The following FARP1 variants were observed in gnomAD, a reference collection of about 807,000 sequenced individuals.
The protein encoded by FARP1 is FERM, ARH/RhoGEF and pleckstrin domain protein 1, also known as FERM, ARHGEF and pleckstrin domain-containing protein 1.
In FARP1, 52 loss-of-function variants were observed where a neutral mutation model predicts 128.8. That is an observed-to-expected ratio of 0.40 (90% CI 0.32 to 0.51). The LOEUF (loss-of-function observed/expected upper bound fraction) is 0.51. Among genes scored for constraint, FARP1 ranks in the 20% least tolerant of loss-of-function variants. The pLI, the probability that FARP1 is intolerant of heterozygous loss-of-function variation, is 0.45. For missense variants in FARP1, 1,333 were observed against 1,367.9 expected (o/e 0.97, Z 0.40); for synonymous variants, 580 against 551.8 (o/e 1.05, Z -0.72).
chr13:98,164,714 AAT>A (rs961442066), intron 1 of FARP1, among the ~76,000 whole-genome samples: 6 of 152,132 alleles, frequency 3.9e-5, no homozygotes, highest in African/African-American at 1.4e-4. Context: ...CTAATGTGTA[AAT>A]ATGTGTGAAA....
At chr13:98,335,084 C>A (rs1209405494) in intron 2 of FARP1, among the ~76,000 whole-genome samples, 1 of 152,226 alleles carries the variant, frequency 6.6e-6, no homozygotes, top group African/African-American at 2.4e-5. Flanking sequence ...TCAAAGAACA[C>A]CTCCATCAGG....
chr13:98,448,551 G>T lies in FARP1; in HGVS notation c.*234G>T. On this transcript the variant is annotated 3_prime_UTR_variant, in exon 27 of 27. Transcript: ENST00000319562. ...CTGGGGGCGCTGTTCTTTAGCTAGT[G>T]CCAGTATTAAAACATTGTCATTACG... 1.9e-6 allele frequency: 1 copy of T among 538,324 alleles called. No individual in the cohort carries two copies. Among genetic ancestry groups the T allele is most frequent in the South Asian group, 2.2e-5 (1 of 45,880 alleles). 33.3% of individuals were successfully genotyped at this position (538,324 alleles called of 1,614,324 possible).
At chr13:98,325,389 T>G (rs1292178103) in intron 2 of FARP1, among the ~76,000 whole-genome samples, 2 of 152,224 alleles carry the variant, frequency 1.3e-5, no homozygotes, top group Non-Finnish European at 2.9e-5. Context: ...CTCTATCATC[T>G]GTACGACACT....
chr13:98,158,414 A>G (rs1388560610), intron 1 of FARP1, among the ~76,000 whole-genome samples: 6 of 152,212 alleles, frequency 3.9e-5, no homozygotes, highest in Non-Finnish European at 8.8e-5. Flanking sequence ...CAGTGTGTCA[A>G]AGGCACATAA....
chr13:98,307,191 G>T (rs901828718), intron 2 of FARP1, among the ~76,000 whole-genome samples: 30 of 152,334 alleles, frequency 2.0e-4, no homozygotes, highest in African/African-American at 7.2e-4. Context: ...GAAAGCAAAG[G>T]ATGAGAGGTT....
At chr13:98,428,860 A>G (rs568762000) in intron 17 of FARP1, among the ~76,000 whole-genome samples, 1 of 152,340 alleles carries the variant, frequency 6.6e-6, no homozygotes, top group African/African-American at 2.4e-5. Flanking sequence ...TGCCCTCTCA[A>G]AATCAAATAG....
intron 3 of FARP1, among the ~76,000 whole-genome samples, chr13:98,364,809 C>T (rs1326824854): frequency 6.6e-6 from 1 of 152,112 alleles, no homozygotes; most frequent in Non-Finnish European, 1.5e-5. Flanking sequence ...GGATTTCAGT[C>T]CTAGCAGTGT....
At chr13:98,292,629 A>G (rs1885501916) in intron 2 of FARP1, among the ~76,000 whole-genome samples, 1 of 152,218 alleles carries the variant, frequency 6.6e-6, no homozygotes, top group Non-Finnish European at 1.5e-5. Flanking sequence ...ACAGATATAG[A>G]ACATTCCCTC....
intron 18 of FARP1, chr13:98,435,346 C>T (rs1453571107): frequency 7.2e-6 from 3 of 415,010 alleles, no homozygotes; most frequent in East Asian, 4.4e-5. Context: ...TATGCCACGT[C>T]ACCATGCAGG....
chr13:98,278,041 G>A (rs1201604050), intron 2 of FARP1, among the ~76,000 whole-genome samples: 1 of 152,236 alleles, frequency 6.6e-6, no homozygotes, highest in African/African-American at 2.4e-5. Context: ...CTGGTGATCT[G>A]TTATTTAACA....
At chr13:98,420,882 A>G (rs1199447642) in intron 16 of FARP1, among the ~76,000 whole-genome samples, 1 of 152,232 alleles carries the variant, frequency 6.6e-6, no homozygotes, top group African/African-American at 2.4e-5. Context: ...TGACATGTAG[A>G]GGAAATAAAA....
intron 1 of FARP1, among the ~76,000 whole-genome samples, chr13:98,153,474 G>T: frequency 1.3e-5 from 1 of 74,742 alleles, no homozygotes; most frequent in African/African-American, 3.7e-5. Context: ...ATATAAATAT[G>T]TATAATATAT....
At chr13:98,398,122 C>T (rs1890625239) in intron 13 of FARP1, 1 of 152,160 alleles carries the variant, frequency 6.6e-6, no homozygotes, top group East Asian at 1.9e-4. Context: ...GGAGGATCGG[C>T]TCGTCTCATT....
intron 16 of FARP1, among the ~76,000 whole-genome samples, chr13:98,419,999 A>T (rs919143806): frequency 6.6e-6 from 1 of 152,092 alleles, no homozygotes; most frequent in Non-Finnish European, 1.5e-5. Context: ...CTCCCGGGGC[A>T]CTTCACCACA....
At chr13:98,335,493 T>C (rs1887701767) in intron 2 of FARP1, among the ~76,000 whole-genome samples, 2 of 152,184 alleles carry the variant, frequency 1.3e-5, no homozygotes, top group South Asian at 4.1e-4. Flanking sequence ...TCCTACAGGG[T>C]TCCTCCCACA....
intron 1 of FARP1, among the ~76,000 whole-genome samples, chr13:98,195,770 C>A (rs775128867): frequency 6.6e-6 from 1 of 152,134 alleles, no homozygotes; most frequent in Admixed American, 6.5e-5. Flanking sequence ...CTCACACTTG[C>A]AATCCCAGCA....
chr13:98,335,974 C>T (rs1887724826), intron 2 of FARP1, among the ~76,000 whole-genome samples: 1 of 152,124 alleles, frequency 6.6e-6, no homozygotes, highest in South Asian at 2.1e-4. Flanking sequence ...CTCTCTGTAA[C>T]CCCAGGAGGT....
chr13:98,259,670 C>A (rs1288364810), intron 2 of FARP1, among the ~76,000 whole-genome samples: 1 of 152,076 alleles, frequency 6.6e-6, no homozygotes, highest in African/African-American at 2.4e-5. Context: ...CCTAAATATT[C>A]CTAATTACAT....
chr13:98,317,510 T>A lies in FARP1; in HGVS notation c.172-26252T>A, dbSNP rs1886772315. Among the ~76,000 whole-genome samples, 5 of 152,244 alleles carry A rather than the reference T, an allele frequency of 3.3e-5. No homozygotes were observed. The South Asian group carries it at 1.0e-3, about 32-fold the overall frequency. On this transcript the variant is annotated intron_variant, in intron 2 of 26. Coordinates refer to ENST00000319562, the MANE Select transcript of FARP1 (RefSeq NM_005766.4). ...TATATTTGAAAATGGAAATTTGTCC[T>A]GACGACAAAATCCCCTTCCTTATAG... is the stretch of plus-strand genomic sequence containing the variant.
Sources: gnomAD v4.1 joint callset for allele counts (sites outside exome capture counted in the v4.1 genomes callset) on GRCh38, gnomAD v4.1.1 for gene constraint, MANE v1.5 for transcripts, NCBI Gene and HGNC (gene_info 2026-07-23, HGNC 2026-07-21) for gene names.